The following SYNRG variants were observed in gnomAD, a reference collection of about 807,000 sequenced individuals.
SYNRG encodes the protein synergin gamma.
A neutral mutation model predicts 130.9 loss-of-function variants in SYNRG; 37 were observed. That is an observed-to-expected ratio of 0.28 (90% CI 0.22 to 0.37). The LOEUF (loss-of-function observed/expected upper bound fraction) is 0.37, where lower values mean the gene tolerates loss of function less well. SYNRG is among the 10% of genes least tolerant of loss of function. SYNRG has a pLI of 1.00. For missense variants in SYNRG, 1,338 were observed against 1,588.9 expected (o/e 0.84, Z 2.68); for synonymous variants, 539 against 568.1 (o/e 0.95, Z 0.73).
intron 6 of SYNRG, 82 bp from the exon 7 acceptor site, chr17:37,577,695 CTTT>C (rs34008016): frequency 0.023 from 13,041 of 567,962 alleles, no homozygotes; most frequent in South Asian, 0.028. Flanking sequence ...CCCCCATATT[CTTT>C]TTTTTTTTTT....
intron 14 of SYNRG, among the ~76,000 whole-genome samples, chr17:37,545,127 G>A (rs141584468): frequency 0.012 from 1,786 of 151,890 alleles, 27 homozygotes; most frequent in African/African-American, 0.04. Context: ...GCTGAGGTAG[G>A]AGAATCACTT....
At chr17:37,571,539 G>A (rs1014408572) in intron 9 of SYNRG, among the ~76,000 whole-genome samples, 9 of 152,116 alleles carry the variant, frequency 5.9e-5, no homozygotes, top group Non-Finnish European at 1.0e-4. Flanking sequence ...CTGAGATCTC[G>A]CCACTGCACT....
At chr17:37,524,002 TG>T (rs2055499957) in intron 19 of SYNRG, among the ~76,000 whole-genome samples, 1 of 152,206 alleles carries the variant, frequency 6.6e-6, no homozygotes, top group Non-Finnish European at 1.5e-5. Flanking sequence ...GGAAGTTCGA[TG>T]TCGGGGCTCG....
intron 6 of SYNRG, chr17:37,579,326 C>G (rs1157463319): frequency 7.7e-7 from 1 of 1,304,140 alleles, no homozygotes; most frequent in African/African-American, 1.5e-5. Context: ...AGAAGGCCCA[C>G]ATGGGGGAAC....
At chr17:37,591,791 T>G (rs1289638546) in intron 3 of SYNRG, among the ~76,000 whole-genome samples, 1 of 152,204 alleles carries the variant, frequency 6.6e-6, no homozygotes, top group South Asian at 2.1e-4. Flanking sequence ...ATCTAAGTCT[T>G]AGATCTTACA....
chr17:37,606,028 T>C, intron 1 of SYNRG: 16 of 983,366 alleles, frequency 1.6e-5, no homozygotes, highest in Non-Finnish European at 1.8e-5. Flanking sequence ...TAAATGGTCC[T>C]TTAGCAAGAC....
intron 14 of SYNRG, among the ~76,000 whole-genome samples, chr17:37,545,475 T>A (rs981547368): frequency 9.9e-5 from 15 of 152,182 alleles, no homozygotes; most frequent in African/African-American, 3.6e-4. Flanking sequence ...GCAATCAAGA[T>A]ATTACTATGG....
In SYNRG at chr17:37,553,005, G is replaced by A. The variant is rs1451308403; in HGVS notation, c.2608+110C>T. The A allele has an allele frequency of 2.6e-5, 25 of 964,830 alleles. No individual in the cohort carries two copies. The East Asian group carries it at 6.0e-4, about 23-fold the overall frequency. 59.8% of individuals were successfully genotyped at this position (964,830 alleles called of 1,614,324 possible). On this transcript the variant is annotated intron_variant, in intron 14 of 21. Transcript: ENST00000612223. ...CTGGCAATAAAGAGGTTGATTATTA[G>A]AGATTCATAAAGCTAAAGGGCCAGA... is the stretch of plus-strand genomic sequence containing the variant.
chr17:37,520,489 T>A (rs1376230888), intron 20 of SYNRG, 49 bp downstream of exon 20: 1 of 1,553,726 alleles, frequency 6.4e-7, no homozygotes, highest in East Asian at 2.2e-5. Context: ...TTGTCCAGAG[T>A]CATGTTAGGG....
intron 4 of SYNRG, among the ~76,000 whole-genome samples, chr17:37,585,867 C>A (rs2061654613): frequency 6.6e-6 from 1 of 152,146 alleles, no homozygotes; most frequent in South Asian, 2.1e-4. Flanking sequence ...ACTGTGTAAC[C>A]TGGACTGACA....
chr17:37,607,788 C>T (rs2063890438), intron 1 of SYNRG, among the ~76,000 whole-genome samples: 1 of 151,782 alleles, frequency 6.6e-6, no homozygotes, highest in Admixed American at 6.6e-5. Context: ...GACTCTGTCT[C>T]AATCGATCAA....
rs539645780 is a variant in SYNRG, at chr17:37,603,521, A to G, written c.78-3118T>C. On this transcript the variant is annotated intron_variant, in intron 1 of 21. Coordinates refer to ENST00000612223, the MANE Select transcript of SYNRG (RefSeq NM_007247.6). ...TTCTCAAATAATAAGAGATGAAAGA[A>G]GAAATTACTCCTTGATTCATGGAGA... is the stretch of plus-strand genomic sequence containing the variant. 1.5e-4 allele frequency among the ~76,000 whole-genome samples: 23 copies of G among 152,362 alleles called. 1 individual carries two copies. In the South Asian group the frequency reaches 3.5e-3, roughly 23 times the overall value.
intron 1 of SYNRG, among the ~76,000 whole-genome samples, chr17:37,606,313 T>C (rs1278835375): frequency 6.6e-6 from 1 of 152,226 alleles, no homozygotes; most frequent in Non-Finnish European, 1.5e-5. Flanking sequence ...GCCTTTGATA[T>C]AGCTGAAATC....
chr17:37,539,058 G>C (rs2057481452), intron 17 of SYNRG, 134 bp downstream of exon 17: 3 of 1,481,540 alleles, frequency 2.0e-6, no homozygotes, highest in Non-Finnish European at 1.8e-6. Flanking sequence ...GACTTCCACA[G>C]AGTTACTCTT....
At chr17:37,568,674 G>T in intron 11 of SYNRG, 117 bp downstream of exon 11, 1 of 1,100,292 alleles carries the variant, frequency 9.1e-7, no homozygotes, top group Non-Finnish European at 1.3e-6. Context: ...AATAAACACA[G>T]AAAGTAGTAG....
chr17:37,595,472 T>A (rs1336844384), intron 3 of SYNRG, among the ~76,000 whole-genome samples: 1 of 152,144 alleles, frequency 6.6e-6, no homozygotes, highest in Non-Finnish European at 1.5e-5. Context: ...AAAGACAGGC[T>A]CGACAGACAT....
intron 11 of SYNRG, among the ~76,000 whole-genome samples, chr17:37,563,505 A>G (rs1483356590): frequency 1.3e-5 from 2 of 152,168 alleles, no homozygotes; most frequent in Non-Finnish European, 1.5e-5. Flanking sequence ...CCAAAGTCCT[A>G]TATGTTAACC....
intron 9 of SYNRG, among the ~76,000 whole-genome samples, 164 bp downstream of exon 9, chr17:37,571,627 C>CCAA (rs2060440323): frequency 6.6e-6 from 1 of 152,036 alleles, no homozygotes; most frequent in African/African-American, 2.4e-5. Flanking sequence ...GAATAACTTG[C>CCAA]TATTATGCAC....
chr17:37,568,620 A>G, intron 11 of SYNRG, 171 bp downstream of exon 11: 1 of 647,632 alleles, frequency 1.5e-6, no homozygotes, highest in South Asian at 2.9e-5. Context: ...TAAGATGGAC[A>G]AAGGGGAGAG....
Sources: allele counts gnomAD v4.1 joint callset (sites outside exome capture counted in the v4.1 genomes callset), GRCh38; gene constraint gnomAD v4.1.1; transcripts MANE v1.5; gene names NCBI Gene and HGNC (gene_info 2026-07-23, HGNC 2026-07-21).